C1orf115: variants seen among roughly 807,000 people sequenced by gnomAD.
C1orf115 encodes the protein required for drug-induced death protein 1.
C1orf115 carries 14 observed loss-of-function variants against 12.5 expected under a neutral mutation model. That is an observed-to-expected ratio of 1.12 (90% CI 0.74 to 1.75). The LOEUF (loss-of-function observed/expected upper bound fraction) is 1.75. Among genes scored for constraint, C1orf115 ranks in the 40% most tolerant of loss-of-function variants. C1orf115 has a pLI of 0.00. For missense variants in C1orf115, 237 were observed against 220.8 expected (o/e 1.07, Z -0.46); for synonymous variants, 109 against 104.6 (o/e 1.04, Z -0.26).
At position 220,698,999 on chromosome 1, in the gene C1orf115, CCTTTTCTTT is replaced by C. The variant is rs1282164014; in HGVS notation, c.*2274_*2282del. 2 of 152,130 alleles carry C rather than the reference CCTTTTCTTT, an allele frequency of 1.3e-5. No individual in the cohort carries two copies. The allele number at this position is 152,130 out of a possible 1,614,324, so 9.4% of individuals were successfully genotyped here. On this transcript the variant is annotated 3_prime_UTR_variant, in exon 2 of 2. Coordinates refer to ENST00000294889, the MANE Select transcript of C1orf115 (RefSeq NM_024709.5). The stretch of plus-strand genomic sequence containing the variant: ...GATTGTGTCACAGATTACCTTTTTA[CCTTTTCTTT>C]CTTTTTTTTTCTTTTTTTCAATATC...
intron 1 of C1orf115, 51 bp from the exon 2 acceptor site, chr1:220,696,561 A>G: frequency 6.7e-7 from 1 of 1,487,228 alleles, no homozygotes; most frequent in Non-Finnish European, 9.1e-7. Context: ...GGCAGAATTA[A>G]AAAGTTGCCT....
intron 1 of C1orf115, among the ~76,000 whole-genome samples, chr1:220,693,274 C>T (rs1035277594): frequency 6.6e-6 from 1 of 152,174 alleles, no homozygotes; most frequent in Non-Finnish European, 1.5e-5. Context: ...AGTTAATGAA[C>T]TATTTTAGTA....
chr1:220,692,797 A>G lies in C1orf115; in HGVS notation c.309+2086A>G, dbSNP rs1225088736. Among the ~76,000 whole-genome samples, 4 of 152,358 alleles carry G rather than the reference A, an allele frequency of 2.6e-5. No individual in the cohort carries two copies. The East Asian group carries it at 5.8e-4, about 22-fold the overall frequency. ...TACGCACTTTAAAATGGTGAATTTTATGTTATGTGAATTTTGCCTTAACTA... is the reference window on the plus strand; with the variant it reads ...TACGCACTTTAAAATGGTGAATTTTGTGTTATGTGAATTTTGCCTTAACTA... On this transcript the variant is annotated intron_variant, in intron 1 of 1. Transcript: ENST00000294889.
At chr1:220,695,493 G>A (rs1670178884) in intron 1 of C1orf115, among the ~76,000 whole-genome samples, 1 of 142,052 alleles carries the variant, frequency 7.0e-6, no homozygotes, top group African/African-American at 2.7e-5. Context: ...ACGATGTCTG[G>A]GTTTTTTTTT....
At chr1:220,691,868 C>A (rs1353627037) in intron 1 of C1orf115, among the ~76,000 whole-genome samples, 2 of 152,180 alleles carry the variant, frequency 1.3e-5, no homozygotes, top group Admixed American at 1.3e-4. Context: ...ACAGTGCAGC[C>A]CTGCCCTAGA....
chr1:220,692,523 AG>A (rs1670128480), intron 1 of C1orf115, among the ~76,000 whole-genome samples: 1 of 152,204 alleles, frequency 6.6e-6, no homozygotes, highest in South Asian at 2.1e-4. Flanking sequence ...TATTATGCTA[AG>A]TGAAGTAAAC....
At position 220,697,555 on chromosome 1, in the gene C1orf115, G is replaced by C. The variant is rs1163727878; in HGVS notation, c.*824G>C. 1.3e-5 allele frequency: 2 copies of C among 152,304 alleles called. No homozygotes were observed. Among genetic ancestry groups the C allele is most frequent in the African/African-American group, 4.8e-5 (2 of 41,462 alleles). The allele number at this position is 152,304 out of a possible 1,614,324, so 9.4% of individuals were successfully genotyped here. ...TTGCAGCGACCAGAGTCCCTGCAAA[G>C]GTGTGGCTGGCTGTGGTCAGGGTGC... On this transcript the variant is annotated 3_prime_UTR_variant, in exon 2 of 2. Coordinates refer to ENST00000294889, the MANE Select transcript of C1orf115 (RefSeq NM_024709.5). This position sits in a 1 kb window ranked among gnomAD's most constrained non-coding sequence, Gnocchi z 4.5.
At position 220,690,368 on chromosome 1, in the gene C1orf115, T is replaced by C. The variant is rs1354887795; in HGVS notation, c.-35T>C. On this transcript the variant is annotated 5_prime_UTR_variant, in exon 1 of 2. Coordinates refer to ENST00000294889, the MANE Select transcript of C1orf115 (RefSeq NM_024709.5). ...GGCGGGGACCAAAGGTTGGTGTCTT[T>C]GCGCTCGGACCTTCGCCAGAGGGGC... is the stretch of plus-strand genomic sequence containing the variant. The C allele has an allele frequency of 1.5e-6, 2 of 1,370,514 alleles. No individual in the cohort carries two copies. The highest frequency in any genetic ancestry group is 1.5e-5 in the African/African-American group (1 of 65,276). The allele number at this position is 1,370,514 out of a possible 1,614,324, so 84.9% of individuals were successfully genotyped here. A position where few individuals can be genotyped will look rare whatever the true frequency, so the allele number is the denominator to read the frequency against.
chr1:220,691,071 C>T (rs1670098974), intron 1 of C1orf115, among the ~76,000 whole-genome samples: 1 of 152,066 alleles, frequency 6.6e-6, no homozygotes, highest in Non-Finnish European at 1.5e-5. Flanking sequence ...AGAAGGTGGC[C>T]CAGTTGGAAA....
chr1:220,695,248 G>A (rs148549242), intron 1 of C1orf115, among the ~76,000 whole-genome samples: 1 of 152,254 alleles, frequency 6.6e-6, no homozygotes, highest in Non-Finnish European at 1.5e-5. Context: ...TGGAGTCACG[G>A]TGATACCCGA....
chr1:220,695,339 G>C (rs1670175379), intron 1 of C1orf115, among the ~76,000 whole-genome samples: 1 of 152,076 alleles, frequency 6.6e-6, no homozygotes, highest in Non-Finnish European at 1.5e-5. Context: ...ATCAAGGTGG[G>C]AGAAGGCACT....
At chr1:220,693,174 C>T (rs1037895014) in intron 1 of C1orf115, among the ~76,000 whole-genome samples, 6 of 152,152 alleles carry the variant, frequency 3.9e-5, no homozygotes, top group Non-Finnish European at 7.3e-5. Flanking sequence ...TCCAAATGCA[C>T]TCTCTTAAAT....
chr1:220,695,252 T>G (rs952069710), intron 1 of C1orf115, among the ~76,000 whole-genome samples: 6 of 152,066 alleles, frequency 3.9e-5, no homozygotes, highest in Non-Finnish European at 8.8e-5. Flanking sequence ...GTCACGGTGA[T>G]ACCCGAGCAT....
chr1:220,693,431 T>C lies in C1orf115; in HGVS notation c.309+2720T>C, dbSNP rs111624342. ...GTTTATAATGGATCACTCTTGATTG[T>C]TAAGCTTGTTCCCAGAGAATATGTT... On this transcript the variant is annotated intron_variant, in intron 1 of 1. Transcript: ENST00000294889. Among the ~76,000 whole-genome samples the C allele has an allele frequency of 1.8e-4, 27 of 152,358 alleles. 1 individual carries two copies. The highest frequency in any genetic ancestry group is 6.5e-4 in the African/African-American group (27 of 41,582).
chr1:220,696,773 C>G lies in C1orf115; in HGVS notation c.*42C>G. On this transcript the variant is annotated 3_prime_UTR_variant, in exon 2 of 2. Transcript: ENST00000294889. Reference sequence around the variant, plus strand: ...AGGTGCCCCCAGAGTGAACGGGAGCCCCTGCTGTGGGAACTTTGTGAATCC... The same window carrying G: ...AGGTGCCCCCAGAGTGAACGGGAGCGCCTGCTGTGGGAACTTTGTGAATCC... 17 of 1,543,066 alleles carry G rather than the reference C, an allele frequency of 1.1e-5. No individual in the cohort carries two copies. The highest frequency in any genetic ancestry group is 1.5e-5 in the Non-Finnish European group (17 of 1,130,138).
In C1orf115 at chr1:220,690,389, G is replaced by T; in HGVS notation, c.-14G>T. ...TCTTTGCGCTCGGACCTTCGCCAGAGGGGCCGGGACATCATGACGGTGGGA... is the reference window on the plus strand; with the variant it reads ...TCTTTGCGCTCGGACCTTCGCCAGATGGGCCGGGACATCATGACGGTGGGA... On this transcript the variant is annotated 5_prime_UTR_variant, in exon 1 of 2. It adds an upstream start codon to the 5' untranslated region. Transcript: ENST00000294889. 3.6e-6 allele frequency: 5 copies of T among 1,395,754 alleles called. No homozygotes were observed. Among genetic ancestry groups the T allele is most frequent in the Non-Finnish European group, 3.7e-6 (4 of 1,082,068 alleles). 86.5% of individuals were successfully genotyped at this position (1,395,754 alleles called of 1,614,324 possible). A position where few individuals can be genotyped will look rare whatever the true frequency, so the allele number is the denominator to read the frequency against.
chr1:220,695,846 T>C (rs1328371712), intron 1 of C1orf115, among the ~76,000 whole-genome samples: 2 of 152,102 alleles, frequency 1.3e-5, no homozygotes, highest in Non-Finnish European at 2.9e-5. Flanking sequence ...ATGACAGAAG[T>C]TGAGGTACGG....
At position 220,697,025 on chromosome 1, in the gene C1orf115, C is replaced by A. The variant is rs1002163575; in HGVS notation, c.*294C>A. On this transcript the variant is annotated 3_prime_UTR_variant, in exon 2 of 2. Coordinates refer to ENST00000294889, the MANE Select transcript of C1orf115 (RefSeq NM_024709.5). This position sits in a 1 kb window ranked among gnomAD's most constrained non-coding sequence, Gnocchi z 4.5. Reference sequence around the variant, plus strand: ...AGCCAGAGCCTTCACGTGAAGGTGGCAGGCACTGGGGCGGAAGCCAACACT... The same window carrying A: ...AGCCAGAGCCTTCACGTGAAGGTGGAAGGCACTGGGGCGGAAGCCAACACT... 1.6e-5 allele frequency: 4 copies of A among 250,510 alleles called. No individual in the cohort carries two copies. The highest frequency in any genetic ancestry group is 8.8e-5 in the African/African-American group (4 of 45,482). 15.5% of individuals were successfully genotyped at this position (250,510 alleles called of 1,614,324 possible). A position where few individuals can be genotyped will look rare whatever the true frequency, so the allele number is the denominator to read the frequency against.
chr1:220,692,621 T>C (rs78783655), intron 1 of C1orf115, among the ~76,000 whole-genome samples: 4,557 of 152,234 alleles, frequency 0.03, 101 homozygotes, highest in Middle Eastern at 0.051. Context: ...GGAACACAGA[T>C]TGGTGGTTGC....
Sources: allele counts gnomAD v4.1 joint callset (sites outside exome capture counted in the v4.1 genomes callset), GRCh38; gene constraint gnomAD v4.1.1; non-coding constraint Gnocchi (gnomAD v3.1); transcripts MANE v1.5; gene names NCBI Gene and HGNC (gene_info 2026-07-23, HGNC 2026-07-21).